Variants in SLCO3A1 observed in about 807,000 individuals in gnomAD.
SLCO3A1 encodes the protein solute carrier organic anion transporter family member 3A1.
SLCO3A1 carries 27 observed loss-of-function variants against 63.1 expected under a neutral mutation model. The observed-to-expected ratio is 0.43, with a 90% CI of 0.32 to 0.59. SLCO3A1 has a LOEUF of 0.59. Ranked by LOEUF, SLCO3A1 falls within the 20% of genes least tolerant of loss-of-function variation. SLCO3A1 has a pLI of 0.09. For missense variants in SLCO3A1, 773 were observed against 945.8 expected (o/e 0.82, Z 2.40); for synonymous variants, 473 against 409.9 (o/e 1.15, Z -1.86).
At chr15:92,118,748 G>A (rs917632226) in intron 4 of SLCO3A1, among the ~76,000 whole-genome samples, 4 of 152,164 alleles carry the variant, frequency 2.6e-5, no homozygotes, top group African/African-American at 4.8e-5. Context: ...TAGACGTGGT[G>A]TAGTACCTCC....
At chr15:92,085,909 C>T (rs944929645) in intron 2 of SLCO3A1, among the ~76,000 whole-genome samples, 1 of 152,206 alleles carries the variant, frequency 6.6e-6, no homozygotes. Flanking sequence ...TAGACTCACA[C>T]CAGGACGTGT....
chr15:92,046,784 A>G (rs74030425), intron 2 of SLCO3A1, among the ~76,000 whole-genome samples: 6,073 of 150,700 alleles, frequency 0.04, 383 homozygotes, highest in African/African-American at 0.14. Flanking sequence ...CATTCCGCAG[A>G]GAGTTAAAAT....
intron 3 of SLCO3A1, among the ~76,000 whole-genome samples, chr15:92,095,779 T>G (rs2047531162): frequency 6.6e-6 from 1 of 152,134 alleles, no homozygotes; most frequent in South Asian, 2.1e-4. Flanking sequence ...ACTCTCAGGA[T>G]CGATAAGCAT....
chr15:92,150,892 ATTACAGGGGAATG>A, intron 8 of SLCO3A1, 45 bp from the exon 9 acceptor site: 1 of 1,303,580 alleles, frequency 7.7e-7, no homozygotes, highest in Non-Finnish European at 1.1e-6. Flanking sequence ...GGGTCTGTTA[ATTACAGGGGAATG>A]ATAAAAATCT....
At chr15:92,068,310 G>T (rs1014713556) in intron 2 of SLCO3A1, among the ~76,000 whole-genome samples, 3 of 152,112 alleles carry the variant, frequency 2.0e-5, no homozygotes, top group Non-Finnish European at 4.4e-5. Flanking sequence ...AACCACGTGA[G>T]TCCATTCCCC....
At chr15:91,877,932 C>G (rs1221062848) in intron 1 of SLCO3A1, among the ~76,000 whole-genome samples, 2 of 152,052 alleles carry the variant, frequency 1.3e-5, no homozygotes, top group Non-Finnish European at 2.9e-5. Flanking sequence ...TGGGGCCACA[C>G]AGGGAGCATC....
chr15:92,152,701 C>T (rs1267215161), intron 9 of SLCO3A1, among the ~76,000 whole-genome samples: 3 of 152,188 alleles, frequency 2.0e-5, no homozygotes, highest in Non-Finnish European at 2.9e-5. Flanking sequence ...CACATTGACA[C>T]CCTAATTTTT....
chr15:92,150,965 A>C lies in SLCO3A1; in HGVS notation c.1704A>C (p.Glu568Asp). 1.2e-6 allele frequency: 2 copies of C among 1,612,798 alleles called. No homozygotes were observed. Among genetic ancestry groups the C allele is most frequent in the Non-Finnish European group, 8.5e-7 (1 of 1,179,550 alleles). Residue 568 changes from glutamate to aspartate, a missense_variant, in exon 9 of 10, where the codon GAA becomes GAC. This residue lies in a region of SLCO3A1 where 565 missense variants were observed against 749.8 expected (regional missense o/e 0.75). Transcript: ENST00000318445. ...VIILIRTVSP[E>D]LKSYALGVLF... ...TTGCACGTAGGACAGTCAGCCCTGAACTCAAGTCTTACGCTTTGGGAGTTC... is the reference window on the plus strand; with the variant it reads ...TTGCACGTAGGACAGTCAGCCCTGACCTCAAGTCTTACGCTTTGGGAGTTC...
chr15:91,983,868 T>G (rs1411853988), intron 2 of SLCO3A1, among the ~76,000 whole-genome samples: 1 of 152,222 alleles, frequency 6.6e-6, no homozygotes, highest in Non-Finnish European at 1.5e-5. Context: ...GTCACATTCC[T>G]GGACCATAAC....
At chr15:92,132,501 T>G (rs1300013411) in intron 7 of SLCO3A1, among the ~76,000 whole-genome samples, 6 of 145,046 alleles carry the variant, frequency 4.1e-5, no homozygotes, top group Admixed American at 4.1e-4. Context: ...GAATATATGG[T>G]CCAGATTGTT....
At position 91,885,827 on chromosome 15, in the gene SLCO3A1, G is replaced by A. The variant is rs561267890; in HGVS notation, c.181-30166G>A. ...TCTCTGGGCGGGTGATATTTGAGTA[G>A]ATTTGAAAGAAGTGTGAGATCAAAT... On this transcript the variant is annotated intron_variant, in intron 1 of 9. Transcript: ENST00000318445. The surrounding 1 kb of genome is among the most constrained non-coding windows in gnomAD (Gnocchi z 4.7). Among the ~76,000 whole-genome samples the A allele has an allele frequency of 6.6e-6, 1 of 152,206 alleles. No individual in the cohort carries two copies. Among genetic ancestry groups the A allele is most frequent in the Non-Finnish European group, 1.5e-5 (1 of 68,032 alleles).
intron 2 of SLCO3A1, among the ~76,000 whole-genome samples, chr15:92,017,909 A>G (rs1266872111): frequency 6.6e-6 from 1 of 152,138 alleles, no homozygotes. Context: ...AGCCCACCAC[A>G]TACTCCTGGA....
rs556308295 is a variant in SLCO3A1 at position 91,948,941 on chromosome 15, C to G, written c.646+32483C>G. ...CAATACTTTGGTTTTTTTTTTTTTA[C>G]TATTATTTCTGCTTACCTCACCTTT... On this transcript the variant is annotated intron_variant, in intron 2 of 9. Transcript: ENST00000318445. This position sits in a 1 kb window ranked among gnomAD's most constrained non-coding sequence, Gnocchi z 4.8. 9.3e-5 allele frequency among the ~76,000 whole-genome samples: 14 copies of G among 150,202 alleles called. No individual in the cohort carries two copies. The highest frequency in any genetic ancestry group is 3.4e-4 in the African/African-American group (14 of 40,892).
In SLCO3A1 at chr15:92,163,721, C is replaced by CG; in HGVS notation, c.*587dup. On this transcript the variant is annotated 3_prime_UTR_variant, in exon 10 of 10. Coordinates refer to ENST00000318445, the MANE Select transcript of SLCO3A1 (RefSeq NM_013272.4). ...TTCGCAATATGGGTCACTGTGTAGA[C>CG]GACTCACCCAGTCTGCATGTGGTTC... 1.0e-6 allele frequency: 1 copy of CG among 985,240 alleles called. No individual in the cohort carries two copies. The highest frequency in any genetic ancestry group is 1.2e-6 in the Non-Finnish European group (1 of 829,908). 61.0% of individuals were successfully genotyped at this position (985,240 alleles called of 1,614,324 possible).
At chr15:92,161,601 T>C (rs1287730077) in intron 9 of SLCO3A1, 1 of 152,230 alleles carries the variant, frequency 6.6e-6, no homozygotes, top group Non-Finnish European at 1.5e-5. Flanking sequence ...GTTGTCAGTA[T>C]ATATGCAGAT....
intron 9 of SLCO3A1, among the ~76,000 whole-genome samples, chr15:92,153,823 C>A (rs1567150923): frequency 6.6e-6 from 1 of 151,866 alleles, no homozygotes; most frequent in East Asian, 1.9e-4. Context: ...AAGGTCCCAG[C>A]ATGTTTGGGG....
At chr15:91,880,391 C>CTGTG (rs1248316415) in intron 1 of SLCO3A1, among the ~76,000 whole-genome samples, 63 of 74,492 alleles carry the variant, frequency 8.5e-4, no homozygotes, top group East Asian at 5.7e-3. Context: ...TTCTCTCTCT[C>CTGTG]TCTCTCTCTC....
Position 91,941,780 on chromosome 15 carries a change from C to T in SLCO3A1, c.646+25322C>T, listed in dbSNP as rs1007642798. On this transcript the variant is annotated intron_variant, in intron 2 of 9. Coordinates refer to ENST00000318445, the MANE Select transcript of SLCO3A1 (RefSeq NM_013272.4). This position sits in a 1 kb window ranked among gnomAD's most constrained non-coding sequence, Gnocchi z 4.4. ...GTCTGTGTGCAACTTCATCTGAGAG[C>T]GCTCAGGCTTCCCTCTCTCCTCTGC... is the stretch of plus-strand genomic sequence containing the variant. Among the ~76,000 whole-genome samples, 6 of 152,160 alleles carry T rather than the reference C, an allele frequency of 3.9e-5. No homozygotes were observed. The highest frequency in any genetic ancestry group is 5.9e-5 in the Non-Finnish European group (4 of 68,030).
chr15:92,120,019 C>T (rs926364649), intron 4 of SLCO3A1, among the ~76,000 whole-genome samples: 5 of 151,906 alleles, frequency 3.3e-5, no homozygotes, highest in African/African-American at 1.2e-4. Flanking sequence ...ATAGATCCAT[C>T]AATAGGTATA....
Sources: gnomAD v4.1 joint callset for allele counts (sites outside exome capture counted in the v4.1 genomes callset) on GRCh38, gnomAD v4.1.1 for gene constraint, gnomAD v4.1.1 regional missense constraint, Gnocchi (gnomAD v3.1) non-coding constraint, MANE v1.5 for transcripts, NCBI Gene and HGNC (gene_info 2026-07-23, HGNC 2026-07-21) for gene names.